Variants in TFEC observed in about 807,000 individuals in gnomAD.
TFEC encodes class E basic helix-loop-helix protein 34.
A neutral mutation model predicts 41.6 loss-of-function variants in TFEC; 31 were observed. The observed-to-expected ratio is 0.74, with a 90% CI of 0.56 to 1.01. TFEC has a LOEUF of 1.01. Ranked by LOEUF, TFEC falls within the 50% of genes least tolerant of loss-of-function variation. The pLI, the probability that TFEC is intolerant of heterozygous loss-of-function variation, is 0.00. For synonymous variants in TFEC, 143 were observed against 140.6 expected, an observed-to-expected ratio of 1.02 and a Z score of -0.12; for missense variants, 402 against 404.1, an observed-to-expected ratio of 0.99 and a Z score of 0.04.
At chr7:115,954,912 G>T (rs907071335) in intron 4 of TFEC, among the ~76,000 whole-genome samples, 1 of 151,946 alleles carries the variant, frequency 6.6e-6, no homozygotes, top group Admixed American at 6.6e-5. Flanking sequence ...ACACTTCTCT[G>T]TGTTTCAGGC....
chr7:116,127,841 G>A (rs144408731), intron 1 of TFEC, among the ~76,000 whole-genome samples: 2 of 151,972 alleles, frequency 1.3e-5, no homozygotes, highest in Admixed American at 6.6e-5. Flanking sequence ...GCTTATCTAT[G>A]TTGCCTTTTC....
intron 3 of TFEC, among the ~76,000 whole-genome samples, chr7:116,043,452 G>C (rs1796088118): frequency 6.6e-6 from 1 of 152,222 alleles, no homozygotes; most frequent in South Asian, 2.1e-4. Context: ...AGTTCTTAAA[G>C]GTATCAGTCA....
chr7:116,077,376 G>A (rs1796983062), intron 3 of TFEC, among the ~76,000 whole-genome samples: 1 of 151,936 alleles, frequency 6.6e-6, no homozygotes, highest in East Asian at 1.9e-4. Flanking sequence ...AAATAAACCA[G>A]GTATTGAGGC....
intron 3 of TFEC, among the ~76,000 whole-genome samples, chr7:116,101,664 G>A (rs1430490655): frequency 1.3e-5 from 2 of 149,616 alleles, no homozygotes; most frequent in South Asian, 2.2e-4. Flanking sequence ...TTTAAGATAC[G>A]TTGATTGCAG....
At chr7:115,981,622 T>C (rs1793634663) in intron 2 of TFEC, among the ~76,000 whole-genome samples, 1 of 152,154 alleles carries the variant, frequency 6.6e-6, no homozygotes, top group Non-Finnish European at 1.5e-5. Context: ...AAAAAAGGCA[T>C]AATTAAAATG....
chr7:116,144,437 G>A (rs1335048848), intron 1 of TFEC, among the ~76,000 whole-genome samples: 2 of 152,256 alleles, frequency 1.3e-5, no homozygotes. Context: ...ACTTGGCCAG[G>A]CTACAATGCC....
At chr7:116,130,309 T>C (rs1036237252) in intron 1 of TFEC, among the ~76,000 whole-genome samples, 2 of 152,206 alleles carry the variant, frequency 1.3e-5, no homozygotes, top group Non-Finnish European at 2.9e-5. Context: ...GACTCTTTCA[T>C]TGTTATCCTC....
At chr7:116,062,448 T>C (rs1022670033) in intron 3 of TFEC, among the ~76,000 whole-genome samples, 12 of 149,598 alleles carry the variant, frequency 8.0e-5, no homozygotes, top group Admixed American at 1.3e-4. Context: ...TGAGAAAATA[T>C]GATGTTTGGT....
intron 3 of TFEC, among the ~76,000 whole-genome samples, chr7:116,089,555 G>C (rs1797276777): frequency 6.6e-6 from 1 of 152,032 alleles, no homozygotes; most frequent in African/African-American, 2.4e-5. Flanking sequence ...CATGAAATAT[G>C]CACTGGTCTT....
intron 1 of TFEC, among the ~76,000 whole-genome samples, chr7:116,013,051 T>C (rs765672631): frequency 1.1e-4 from 16 of 152,086 alleles, no homozygotes; most frequent in Admixed American, 7.9e-4. Flanking sequence ...AATAATCTAA[T>C]TGAAAATGAG....
chr7:116,067,754 G>A (rs1230656682), intron 3 of TFEC, among the ~76,000 whole-genome samples: 1 of 151,914 alleles, frequency 6.6e-6, no homozygotes, highest in Non-Finnish European at 1.5e-5. Flanking sequence ...AATGGACTAT[G>A]TCCTTGACTA....
At chr7:116,024,506 G>A (rs1256866827) in intron 1 of TFEC, among the ~76,000 whole-genome samples, 4 of 152,082 alleles carry the variant, frequency 2.6e-5, no homozygotes, top group African/African-American at 4.8e-5. Flanking sequence ...CTGAACACTG[G>A]AGACAACATT....
Position 115,937,343 on chromosome 7 carries a change from T to C in TFEC, c.*3208A>G, listed in dbSNP as rs1357116989. The C allele has an allele frequency of 6.6e-6, 1 of 151,756 alleles. No individual in the cohort carries two copies. Among genetic ancestry groups the C allele is most frequent in the African/African-American group, 2.4e-5 (1 of 41,398 alleles). The allele number at this position is 151,756 out of a possible 1,614,324, so 9.4% of individuals were successfully genotyped here. On this transcript the variant is annotated 3_prime_UTR_variant, in exon 8 of 8. Transcript: ENST00000265440. Reference sequence around the variant, plus strand: ...TGCTTTTTGTGACAGCATTGTTTGATAAACATATGCCTCTTTTACTATTAT... The same window carrying C: ...TGCTTTTTGTGACAGCATTGTTTGACAAACATATGCCTCTTTTACTATTAT...
chr7:116,128,604 A>G (rs1798264386), intron 1 of TFEC, among the ~76,000 whole-genome samples: 1 of 152,212 alleles, frequency 6.6e-6, no homozygotes, highest in Admixed American at 6.5e-5. Context: ...GTGCTTCTCA[A>G]AGTATGATCA....
chr7:116,021,445 C>T (rs1195242504), intron 1 of TFEC, among the ~76,000 whole-genome samples: 6 of 152,142 alleles, frequency 3.9e-5, no homozygotes, highest in African/African-American at 1.4e-4. Flanking sequence ...TGTATATGCA[C>T]AGGGGAAAAA....
rs139886098 is a variant in TFEC at position 116,047,789 on chromosome 7, C to T, written c.198+62919G>A. Among the ~76,000 whole-genome samples, 3 of 152,268 alleles carry T rather than the reference C, an allele frequency of 2.0e-5. No homozygotes were observed. In the East Asian group the frequency reaches 5.8e-4, roughly 29 times the overall value. ...TGACACCTCATACAGCCAGGTGCCC[C>T]TCTGAGACGAAGCTTCCAGAGGAAG... On this transcript the variant is annotated intron_variant, in intron 3 of 8. Coordinates refer to the TFEC transcript ENST00000484212.
At chr7:115,982,121 A>G in intron 2 of TFEC, among the ~76,000 whole-genome samples, 1 of 152,098 alleles carries the variant, frequency 6.6e-6, no homozygotes, top group East Asian at 1.9e-4. Context: ...CTGTTCTCAG[A>G]CTTATCCTGT....
intron 1 of TFEC, among the ~76,000 whole-genome samples, chr7:116,122,957 C>A (rs1033712494): frequency 3.3e-5 from 5 of 150,436 alleles, no homozygotes; most frequent in African/African-American, 1.2e-4. Flanking sequence ...TGCCAAGTAG[C>A]CAAACAAGCG....
rs534526863 is a variant in TFEC at position 116,150,101 on chromosome 7, A to T, written c.-69+9689T>A. On this transcript the variant is annotated intron_variant, in intron 1 of 8. Transcript: ENST00000484212. ...GCTTTTAACCTCCAAATAATTACAT[A>T]TTCCAAAACACCAACATCTTTTTCA... is the stretch of plus-strand genomic sequence containing the variant. 2.0e-5 allele frequency among the ~76,000 whole-genome samples: 3 copies of T among 152,336 alleles called. No homozygotes were observed. In the East Asian group the frequency reaches 5.8e-4, roughly 29 times the overall value.
Sources: allele counts gnomAD v4.1 joint callset (sites outside exome capture counted in the v4.1 genomes callset), GRCh38; gene constraint gnomAD v4.1.1; transcripts MANE v1.5; gene names NCBI Gene and HGNC (gene_info 2026-07-23, HGNC 2026-07-21).